The following TNR variants were observed in gnomAD, a reference collection of about 807,000 sequenced individuals.
TNR encodes tenascin R.
TNR carries 45 observed loss-of-function variants against 150.4 expected under a neutral mutation model. That is an observed-to-expected ratio of 0.30 (90% confidence interval 0.24 to 0.38). TNR has a LOEUF of 0.38. Ranked by LOEUF, TNR falls within the 10% of genes least tolerant of loss-of-function variation. The pLI, the probability that TNR is intolerant of heterozygous loss-of-function variation, is 1.00. For synonymous variants in TNR, 687 were observed against 678.4 expected (o/e 1.01, Z -0.20); for missense variants, 1,544 against 1,759.1 (o/e 0.88, Z 2.19).
intron 1 of TNR, among the ~76,000 whole-genome samples, chr1:175,554,365 C>T (rs146953517): frequency 0.012 from 1,771 of 149,510 alleles, 44 homozygotes; most frequent in African/African-American, 0.04. Flanking sequence ...AAAAAGATAT[C>T]CTTTCTTCAT....
chr1:175,442,743 T>C (rs957120393), intron 2 of TNR, among the ~76,000 whole-genome samples: 6 of 151,836 alleles, frequency 4.0e-5, no homozygotes, highest in African/African-American at 1.5e-4. Flanking sequence ...CCATATTTAT[T>C]CAAATCAGCC....
At chr1:175,595,963 G>A (rs1345124396) in intron 1 of TNR, among the ~76,000 whole-genome samples, 5 of 144,992 alleles carry the variant, frequency 3.4e-5, no homozygotes, top group Admixed American at 1.3e-4. Context: ...GGAGGCAGGC[G>A]AATATGATAA....
intron 2 of TNR, among the ~76,000 whole-genome samples, chr1:175,448,893 G>C (rs1003135567): frequency 6.6e-5 from 10 of 152,178 alleles, no homozygotes; most frequent in African/African-American, 2.4e-4. Flanking sequence ...AACAGGTCTG[G>C]TCTGATCCTG....
At position 175,391,445 on chromosome 1, in the gene TNR, A is replaced by C; in HGVS notation, c.1357-7T>G. ...TCACTCCCCCTTCATTGTTCTGGACAGTGGGGAGAAGCAGAGAGCAAAAGA... is the reference window on the plus strand; with the variant it reads ...TCACTCCCCCTTCATTGTTCTGGACCGTGGGGAGAAGCAGAGAGCAAAAGA... On this transcript the variant is annotated splice_region_variant and splice_polypyrimidine_tract_variant and intron_variant, in intron 6 of 22. Coordinates refer to ENST00000367674, the MANE Select transcript of TNR (RefSeq NM_003285.3). The C allele has an allele frequency of 6.2e-7, 1 of 1,612,262 alleles. No homozygotes were observed.
chr1:175,490,026 A>C (rs1220861562), intron 2 of TNR, among the ~76,000 whole-genome samples: 1 of 152,194 alleles, frequency 6.6e-6, no homozygotes, highest in Non-Finnish European at 1.5e-5. Flanking sequence ...AAAAACAGAC[A>C]CGCAGACCAA....
chr1:175,504,433 C>T (rs1238363952), intron 2 of TNR, among the ~76,000 whole-genome samples: 3 of 152,174 alleles, frequency 2.0e-5, no homozygotes, highest in Non-Finnish European at 4.4e-5. Context: ...AGAATCGACA[C>T]TTTGTGCAGC....
chr1:175,602,467 C>A (rs1260401666), intron 1 of TNR, among the ~76,000 whole-genome samples: 1 of 152,174 alleles, frequency 6.6e-6, no homozygotes, highest in African/African-American at 2.4e-5. Flanking sequence ...GCTGGTCTGA[C>A]TAACATCAAG....
In TNR at chr1:175,403,299, T is replaced by C. The variant is rs1432586537; in HGVS notation, c.817A>G (p.Lys273Glu). ...ELRCPGDCSG[K>E]GRCANGTCLC... is the part of the protein sequence containing the mutation. ...CAGGTACCGTTGGCACATCTCCCCT[T>C]CCCCGAACAGTCCCCAGGGCACCTC... Residue 273 changes from lysine (K) to glutamate (E), a missense_variant, in exon 4 of 23, where the codon AAG (lysine) becomes GAG (glutamate). Lys to Glu is a moderately conservative substitution (Grantham distance 56). This residue lies in a region of TNR where 1,254 missense variants were observed against 1,329.4 expected (regional missense o/e 0.94). Transcript: ENST00000367674. 1.9e-6 allele frequency: 3 copies of C among 1,613,882 alleles called. No homozygotes were observed. The South Asian group carries it at 3.3e-5, about 18-fold the overall frequency.
intron 2 of TNR, among the ~76,000 whole-genome samples, chr1:175,513,994 A>G (rs997584491): frequency 6.6e-6 from 1 of 152,222 alleles, no homozygotes; most frequent in African/African-American, 2.4e-5. Flanking sequence ...GAGGTTATGT[A>G]AAGGATCACT....
chr1:175,325,882 G>T (rs933841747), intron 21 of TNR, among the ~76,000 whole-genome samples: 6 of 150,308 alleles, frequency 4.0e-5, no homozygotes, highest in East Asian at 3.9e-4. Flanking sequence ...GTGGGGGTAG[G>T]GGGGAGGGAT....
chr1:175,696,228 T>G (rs199851347), intron 1 of TNR, among the ~76,000 whole-genome samples: 52 of 120,848 alleles, frequency 4.3e-4, no homozygotes, highest in African/African-American at 1.4e-3. Flanking sequence ...TTTTTTTTTT[T>G]TTTTTTTTTT....
At chr1:175,394,738 T>C (rs1451796119) in intron 5 of TNR, among the ~76,000 whole-genome samples, 2 of 152,234 alleles carry the variant, frequency 1.3e-5, no homozygotes, top group Non-Finnish European at 2.9e-5. Context: ...TTGGAAGAGT[T>C]CTCATGCTTC....
chr1:175,480,381 A>C (rs1657730627), intron 2 of TNR, among the ~76,000 whole-genome samples: 1 of 148,220 alleles, frequency 6.7e-6, no homozygotes, highest in South Asian at 2.2e-4. Context: ...AGAAAAAAGG[A>C]AAGAGAAGAA....
chr1:175,738,468 G>A (rs901222385), intron 1 of TNR, among the ~76,000 whole-genome samples: 2 of 152,208 alleles, frequency 1.3e-5, no homozygotes, highest in African/African-American at 4.8e-5. Context: ...ACCTAGGATA[G>A]TCAGGTTCAT....
Position 175,566,621 on chromosome 1 carries a change from A to G in TNR, c.-164-38252T>C, listed in dbSNP as rs1191291176. Among the ~76,000 whole-genome samples, 3 of 152,250 alleles carry G rather than the reference A, an allele frequency of 2.0e-5. No homozygotes were observed. The East Asian group carries it at 5.8e-4, about 29-fold the overall frequency. On this transcript the variant is annotated intron_variant, in intron 1 of 22. Coordinates refer to ENST00000367674, the MANE Select transcript of TNR (RefSeq NM_003285.3). ...TCCTCTTCTGACTGCCTACCCTTGA[A>G]TTCTTTCTTTTCAGAAACATGACTC...
intron 1 of TNR, among the ~76,000 whole-genome samples, chr1:175,666,830 C>T (rs1480663542): frequency 1.3e-5 from 2 of 152,288 alleles, no homozygotes; most frequent in East Asian, 3.9e-4. Flanking sequence ...TCACTATAGC[C>T]TCAAACTCCA....
chr1:175,475,908 C>G (rs1389158003), intron 2 of TNR, among the ~76,000 whole-genome samples: 1 of 152,214 alleles, frequency 6.6e-6, no homozygotes, highest in Non-Finnish European at 1.5e-5. Flanking sequence ...CTAACTTCCC[C>G]TCTAACCTTC....
In TNR at chr1:175,546,550, G is replaced by T. The variant is rs370110942; in HGVS notation, c.-164-18181C>A. Among the ~76,000 whole-genome samples the T allele has an allele frequency of 2.0e-5, 3 of 152,336 alleles. No homozygotes were observed. The South Asian group carries it at 6.2e-4, about 32-fold the overall frequency. On this transcript the variant is annotated intron_variant, in intron 1 of 22. Transcript: ENST00000367674. ...GCAGGGAGGCCACGAGGGCAGAGTT[G>T]CTTTTCAGCGCTCAAAGCTGGAGAA... is the stretch of plus-strand genomic sequence containing the variant.
At chr1:175,616,149 G>A (rs888800833) in intron 1 of TNR, among the ~76,000 whole-genome samples, 5 of 152,130 alleles carry the variant, frequency 3.3e-5, no homozygotes, top group Admixed American at 6.5e-5. Context: ...TTCCCCATGC[G>A]ACCCTAAAGG....
Sources: gnomAD v4.1 joint callset for allele counts (sites outside exome capture counted in the v4.1 genomes callset) on GRCh38, gnomAD v4.1.1 for gene constraint, gnomAD v4.1.1 regional missense constraint, MANE v1.5 for transcripts, NCBI Gene and HGNC (gene_info 2026-07-23, HGNC 2026-07-21) for gene names.